The following ARHGAP8 variants were observed in gnomAD, a reference collection of about 807,000 sequenced individuals.
ARHGAP8 encodes the protein rho GTPase-activating protein 8.
Under a neutral mutation model 46.1 loss-of-function variants are expected in ARHGAP8, and 62 were observed. The ratio of observed to expected loss-of-function variants is 1.34; its 90% confidence interval spans 1.10 to 1.66. The LOEUF is 1.66. Among genes scored for constraint, ARHGAP8 ranks in the 40% most tolerant of loss-of-function variants. The pLI is 0.00. For synonymous variants in ARHGAP8, 375 were observed against 243.1 expected (o/e 1.54, Z -5.05); for missense variants, 923 against 568.4 (o/e 1.62, Z -6.34).
intron 8 of ARHGAP8, among the ~76,000 whole-genome samples, chr22:44,845,846 C>T (rs1052686920): frequency 1.3e-5 from 2 of 152,124 alleles, no homozygotes; most frequent in Non-Finnish European, 2.9e-5. Flanking sequence ...GGAGAAGGTG[C>T]GTGGAGGCTG....
Position 44,862,258 on chromosome 22 carries a change from T to G in ARHGAP8, c.982-17T>G, listed in dbSNP as rs1323759116. 4 of 1,575,650 alleles carry G rather than the reference T, an allele frequency of 2.5e-6. No individual in the cohort carries two copies. The highest frequency in any genetic ancestry group is 1.2e-5 in the South Asian group (1 of 85,234). On this transcript the variant is annotated splice_polypyrimidine_tract_variant and intron_variant, in intron 11 of 11. Transcript: ENST00000356099. ...CTTGGTGTTCACTCCCCTTTACTTG[T>G]GTGTGGTTTCCTCCAGGTGTCCCGG...
intron 10 of ARHGAP8, 44 bp downstream of exon 10, chr22:44,849,104 G>T: frequency 6.2e-7 from 1 of 1,609,980 alleles, no homozygotes. Flanking sequence ...TTGGTCCTCA[G>T]ATGCTGTCCC....
rs1209274551 is a variant in ARHGAP8 at position 44,822,213 on chromosome 22, GTGTTA to G, written c.387-153_387-149del. 3.3e-5 allele frequency among the ~76,000 whole-genome samples: 5 copies of G among 152,308 alleles called. No homozygotes were observed. The East Asian group carries it at 9.6e-4, about 29-fold the overall frequency. On this transcript the variant is annotated intron_variant, in intron 5 of 11. Coordinates refer to ENST00000356099, the MANE Select transcript of ARHGAP8 (RefSeq NM_181335.3). ...AAATATCTCCCGGCGTGCGCTGCTT[GTGTTA>G]TGTTCGGGTTTTAAGTCGTGTCAGC...
At chr22:44,775,431 C>G (rs1287926514) in intron 1 of ARHGAP8, among the ~76,000 whole-genome samples, 1 of 145,436 alleles carries the variant, frequency 6.9e-6, no homozygotes, top group African/African-American at 2.6e-5. Context: ...TGTCATAACC[C>G]TGAGGGGACA....
chr22:44,835,577 C>T (rs549850134), intron 7 of ARHGAP8, among the ~76,000 whole-genome samples: 26 of 152,252 alleles, frequency 1.7e-4, no homozygotes, highest in Admixed American at 5.9e-4. Flanking sequence ...GCCAAGATCG[C>T]GCCACTGCAC....
rs181446367 is a variant in ARHGAP8 at position 44,785,101 on chromosome 22, C to T, written c.-71-1356C>T. Among the ~76,000 whole-genome samples, 33 of 152,296 alleles carry T rather than the reference C, an allele frequency of 2.2e-4. No individual in the cohort carries two copies. The East Asian group carries it at 5.0e-3, about 23-fold the overall frequency. On this transcript the variant is annotated intron_variant, in intron 1 of 11. Coordinates refer to ENST00000356099, the MANE Select transcript of ARHGAP8 (RefSeq NM_181335.3). ...CCCATGTGAGGCAGCCCTCAGGCCCCGCCTCACGCTCCCTCCTCGATGGGG... is the reference window on the plus strand; with the variant it reads ...CCCATGTGAGGCAGCCCTCAGGCCCTGCCTCACGCTCCCTCCTCGATGGGG...
intron 7 of ARHGAP8, among the ~76,000 whole-genome samples, chr22:44,831,502 C>T (rs1438638431): frequency 6.7e-6 from 1 of 148,870 alleles, no homozygotes; most frequent in Non-Finnish European, 1.5e-5. Flanking sequence ...TCAAGACCAG[C>T]CTTACCAACA....
intron 7 of ARHGAP8, among the ~76,000 whole-genome samples, chr22:44,834,297 C>G (rs955808280): frequency 2.0e-5 from 3 of 152,064 alleles, no homozygotes; most frequent in Non-Finnish European, 2.9e-5. Flanking sequence ...CTAAGTCCTG[C>G]AATAGATGTA....
chr22:44,805,680 A>G (rs1269824501), intron 3 of ARHGAP8, among the ~76,000 whole-genome samples: 5 of 152,178 alleles, frequency 3.3e-5, no homozygotes, highest in Non-Finnish European at 5.9e-5. Flanking sequence ...CCCAGAGGAA[A>G]AGGCATCTTT....
intron 6 of ARHGAP8, among the ~76,000 whole-genome samples, chr22:44,824,849 T>C (rs928643068): frequency 6.6e-6 from 1 of 151,896 alleles, no homozygotes; most frequent in African/African-American, 2.4e-5. Flanking sequence ...GCCGGGCTGG[T>C]CTCAAACTCC....
intron 10 of ARHGAP8, among the ~76,000 whole-genome samples, chr22:44,853,088 C>T (rs896862499): frequency 1.3e-5 from 2 of 150,770 alleles, no homozygotes; most frequent in African/African-American, 2.5e-5. Flanking sequence ...AGGCATGAGC[C>T]ACCGTGTCCG....
intron 4 of ARHGAP8, chr22:44,808,677 G>GTCTT (rs1929114608): frequency 1.4e-6 from 1 of 731,528 alleles, no homozygotes; most frequent in Non-Finnish European, 2.3e-6. Context: ...TTAAGAGACG[G>GTCTT]TCTCACCCAG....
Position 44,859,744 on chromosome 22 carries a change from C to T in ARHGAP8, c.891C>T (p.Ser297=), listed in dbSNP as rs144257107. ...ATGCCCTTCCAGGTGTGGAGAGCAG[C>T]CTGCGTGTCACTGGCTGCCGCCAGA... ...QILGITCVES[S]LRVTGCRQIL... Residue 297 remains serine, a synonymous_variant, in exon 11 of 12, where the codon AGC becomes AGT. Coordinates refer to ENST00000356099, the MANE Select transcript of ARHGAP8 (RefSeq NM_181335.3). 2.5e-6 allele frequency: 4 copies of T among 1,613,814 alleles called. No individual in the cohort carries two copies. The highest frequency in any genetic ancestry group is 3.3e-5 in the Admixed American group (2 of 60,030).
chr22:44,861,990 C>G (rs8138834), intron 11 of ARHGAP8, among the ~76,000 whole-genome samples: 17,735 of 152,194 alleles, frequency 0.12, 1,130 homozygotes, highest in African/African-American at 0.16. Context: ...TGCATCTCCC[C>G]AGAAGGTGCA....
At chr22:44,802,701 G>A (rs1928643386) in intron 3 of ARHGAP8, among the ~76,000 whole-genome samples, 1 of 152,144 alleles carries the variant, frequency 6.6e-6, no homozygotes, top group South Asian at 2.1e-4. Context: ...ACTCCCCCTG[G>A]AGGCTGCGGG....
intron 7 of ARHGAP8, among the ~76,000 whole-genome samples, chr22:44,840,028 C>G (rs1466448981): frequency 1.3e-5 from 2 of 152,184 alleles, no homozygotes; most frequent in African/African-American, 4.8e-5. Context: ...GTGTCCCCAG[C>G]CTGATGTTCC....
At chr22:44,859,124 CCTGGAAGGTGGTGCTG>C (rs2070339751) in intron 10 of ARHGAP8, among the ~76,000 whole-genome samples, 1 of 152,108 alleles carries the variant, frequency 6.6e-6, no homozygotes, top group Admixed American at 6.5e-5. Flanking sequence ...TTAGCAGCTT[CCTGGAAGGTGGTGCTG>C]CTGGCTGATA....
At chr22:44,862,175 T>TC (rs1048496965) in intron 11 of ARHGAP8, 100 bp from the exon 12 acceptor site, 159 of 1,425,044 alleles carry the variant, frequency 1.1e-4, no homozygotes, top group Non-Finnish European at 1.4e-4. Flanking sequence ...CCAGTGCTCC[T>TC]CTCACTACAC....
intron 7 of ARHGAP8, among the ~76,000 whole-genome samples, chr22:44,832,289 C>T (rs1931003088): frequency 7.0e-6 from 1 of 143,360 alleles, no homozygotes. Context: ...TGCAGTGGTG[C>T]AATCTTGGCG....
Sources: allele counts gnomAD v4.1 joint callset (sites outside exome capture counted in the v4.1 genomes callset), GRCh38; gene constraint gnomAD v4.1.1; transcripts MANE v1.5; gene names NCBI Gene and HGNC (gene_info 2026-07-23, HGNC 2026-07-21).